The following SLC44A5 variants were observed in gnomAD, a reference collection of about 807,000 sequenced individuals.
The protein encoded by SLC44A5 is solute carrier family 44 member 5.
Under a neutral mutation model 101.8 loss-of-function variants are expected in SLC44A5, and 57 were observed. That is an observed-to-expected ratio of 0.56 (90% CI 0.45 to 0.70). The LOEUF is 0.70. Ranked by LOEUF, SLC44A5 falls within the 30% of genes least tolerant of loss-of-function variation. The pLI, the probability that SLC44A5 is intolerant of heterozygous loss-of-function variation, is 0.00. For synonymous variants in SLC44A5, 281 were observed against 290.9 expected, an observed-to-expected ratio of 0.97 and a Z score of 0.35; for missense variants, 737 against 853.1, an observed-to-expected ratio of 0.86 and a Z score of 1.70.
the SLC44A5 span, among the ~76,000 whole-genome samples, chr1:75,618,492 CAG>C: frequency 6.6e-6 from 1 of 152,174 alleles, no homozygotes; most frequent in Non-Finnish European, 1.5e-5. Context: ...AACAGTAAGA[CAG>C]AATACATGAC....
intron 6 of SLC44A5, among the ~76,000 whole-genome samples, chr1:75,253,774 T>A (rs1012897306): frequency 6.6e-6 from 1 of 152,176 alleles, no homozygotes; most frequent in Non-Finnish European, 1.5e-5. Flanking sequence ...AAACTCAAGT[T>A]ATTCACCAGA....
intron 23 of SLC44A5, chr1:75,204,897 A>G (rs1570345193): frequency 6.6e-6 from 1 of 152,310 alleles, no homozygotes; most frequent in Admixed American, 6.5e-5. Context: ...CAGAGCACAA[A>G]CATCTATAGT....
chr1:75,358,003 TACAC>T (rs145085735), intron 3 of SLC44A5, among the ~76,000 whole-genome samples: 27 of 139,156 alleles, frequency 1.9e-4, no homozygotes, highest in East Asian at 8.1e-4. Flanking sequence ...CAATGTCACT[TACAC>T]ACACACACAC....
intron 3 of SLC44A5, among the ~76,000 whole-genome samples, chr1:75,394,288 G>A (rs1281917507): frequency 1.3e-5 from 2 of 152,150 alleles, no homozygotes; most frequent in Non-Finnish European, 2.9e-5. Flanking sequence ...CAAGTCTGTG[G>A]AAATGATAAA....
At chr1:75,321,436 G>A (rs888777764) in intron 4 of SLC44A5, among the ~76,000 whole-genome samples, 3 of 150,542 alleles carry the variant, frequency 2.0e-5, no homozygotes, top group Non-Finnish European at 4.4e-5. Flanking sequence ...CCTTCTTGCT[G>A]TATTGTTATA....
chr1:75,467,247 CAT>C (rs992070243), intron 2 of SLC44A5, among the ~76,000 whole-genome samples: 7 of 151,976 alleles, frequency 4.6e-5, no homozygotes, highest in African/African-American at 1.7e-4. Flanking sequence ...TTAAAATGTC[CAT>C]ACTACCCAAA....
intron 2 of SLC44A5, among the ~76,000 whole-genome samples, chr1:75,539,087 C>T (rs1671208188): frequency 6.6e-6 from 1 of 152,182 alleles, no homozygotes; most frequent in Admixed American, 6.5e-5. Flanking sequence ...GACACCAAAA[C>T]TTAAATAGTC....
chr1:75,660,112 G>A, the SLC44A5 span, among the ~76,000 whole-genome samples: 11 of 142,616 alleles, frequency 7.7e-5, no homozygotes, highest in African/African-American at 2.7e-4. Flanking sequence ...GCTGAGGTAT[G>A]AGAATTGCTT....
At position 75,456,921 on chromosome 1, in the gene SLC44A5, T is replaced by C. The variant is rs140625896; in HGVS notation, c.14-60300A>G. ...AGAGAATATTACCAAAAGAAAACTATCTACGGACATCCCCAATAGGTCCAC... is the reference window on the plus strand; with the variant it reads ...AGAGAATATTACCAAAAGAAAACTACCTACGGACATCCCCAATAGGTCCAC... On this transcript the variant is annotated intron_variant, in intron 2 of 23. Coordinates refer to ENST00000370859, the MANE Select transcript of SLC44A5 (RefSeq NM_001130058.2). Among the ~76,000 whole-genome samples, 622 of 152,302 alleles carry C rather than the reference T, an allele frequency of 4.1e-3. 6 individuals are homozygous for C. Among genetic ancestry groups the C allele is most frequent in the African/African-American group, 0.014 (585 of 41,560 alleles).
chr1:75,677,503 T>A, the SLC44A5 span, among the ~76,000 whole-genome samples: 1 of 151,964 alleles, frequency 6.6e-6, no homozygotes, highest in African/African-American at 2.4e-5. Flanking sequence ...TAAAAAGCAA[T>A]ATGTTAAAAC....
intron 2 of SLC44A5, among the ~76,000 whole-genome samples, chr1:75,536,771 C>T (rs1471437897): frequency 1.4e-4 from 21 of 147,274 alleles, no homozygotes; most frequent in Admixed American, 6.8e-4. Context: ...CTTTGGGAGG[C>T]CGAGGCGGGC....
chr1:75,701,550 A>T, the SLC44A5 span, among the ~76,000 whole-genome samples: 1 of 152,202 alleles, frequency 6.6e-6, no homozygotes, highest in African/African-American at 2.4e-5. Flanking sequence ...AGCCAATATC[A>T]TACTGAATGG....
the SLC44A5 span, among the ~76,000 whole-genome samples, chr1:75,622,948 C>T: frequency 6.6e-6 from 1 of 152,216 alleles, no homozygotes; most frequent in African/African-American, 2.4e-5. Context: ...TAACTAAATG[C>T]TTCTGACATA....
At chr1:75,311,291 A>G (rs931149051) in intron 4 of SLC44A5, among the ~76,000 whole-genome samples, 3 of 152,034 alleles carry the variant, frequency 2.0e-5, no homozygotes, top group Non-Finnish European at 4.4e-5. Context: ...TAATTTTTGT[A>G]TTTTTAGTAG....
intron 1 of SLC44A5, among the ~76,000 whole-genome samples, chr1:75,588,020 G>A (rs887704255): frequency 6.6e-6 from 1 of 152,146 alleles, no homozygotes; most frequent in Non-Finnish European, 1.5e-5. Flanking sequence ...GGCAAATCTG[G>A]TCATTTGTGG....
chr1:75,468,708 G>C (rs1451848617), intron 2 of SLC44A5, among the ~76,000 whole-genome samples: 1 of 152,124 alleles, frequency 6.6e-6, no homozygotes, highest in African/African-American at 2.4e-5. Context: ...TGTGGGGATG[G>C]TTAATGGGTA....
chr1:75,402,767 G>A (rs983611331), intron 2 of SLC44A5, among the ~76,000 whole-genome samples: 5 of 152,008 alleles, frequency 3.3e-5, no homozygotes, highest in Non-Finnish European at 5.9e-5. Context: ...AAAACTAGGC[G>A]CTGTTTGGGC....
chr1:75,625,555 G>GA, the SLC44A5 span, among the ~76,000 whole-genome samples: 1 of 152,244 alleles, frequency 6.6e-6, no homozygotes, highest in East Asian at 1.9e-4. Flanking sequence ...TATTCAATCG[G>GA]AAAATCTGAA....
At chr1:75,218,024 G>T in intron 17 of SLC44A5, 64 bp from the exon 18 acceptor site, 2 of 1,103,342 alleles carry the variant, frequency 1.8e-6, no homozygotes, top group Non-Finnish European at 2.7e-6. Flanking sequence ...GATGCTAATT[G>T]AATAATTTTC....
Sources: gnomAD v4.1 joint callset for allele counts (sites outside exome capture counted in the v4.1 genomes callset) on GRCh38, gnomAD v4.1.1 for gene constraint, MANE v1.5 for transcripts, NCBI Gene and HGNC (gene_info 2026-07-23, HGNC 2026-07-21) for gene names.